PPP1R12B: variants seen among roughly 807,000 people sequenced by gnomAD.
PPP1R12B encodes protein phosphatase 1 regulatory subunit 12B.
In PPP1R12B, 76 loss-of-function variants were observed where a neutral mutation model predicts 126.1. The observed-to-expected ratio is 0.60, with a 90% CI of 0.50 to 0.73. PPP1R12B has a LOEUF of 0.73. Among genes scored for constraint, PPP1R12B ranks in the 30% least tolerant of loss-of-function variants. The pLI is 0.00. For synonymous variants in PPP1R12B, 356 were observed against 434.7 expected, an observed-to-expected ratio of 0.82 and a Z score of 2.25; for missense variants, 1,052 against 1,205.1, an observed-to-expected ratio of 0.87 and a Z score of 1.88.
At chr1:202,432,167 C>T (rs575643019) in intron 8 of PPP1R12B, among the ~76,000 whole-genome samples, 71 of 152,100 alleles carry the variant, frequency 4.7e-4, no homozygotes, top group African/African-American at 1.6e-3. Flanking sequence ...AAACAGAATC[C>T]TAAAATCTTT....
chr1:202,560,254 C>T (rs776187645), intron 19 of PPP1R12B, among the ~76,000 whole-genome samples: 4 of 151,996 alleles, frequency 2.6e-5, no homozygotes, highest in African/African-American at 7.3e-5. Context: ...ATACCATTAC[C>T]GGAAAGGGGT....
rs189975800 is a variant in PPP1R12B, at chr1:202,572,708, C to G, written c.2862+3511C>G. ...ATCAGCCTCCTTGTCAGACCTTCTC[C>G]CCTTCCTTTCCTAGGTCCTTGCATG... On this transcript the variant is annotated intron_variant, in intron 23 of 23. Coordinates refer to ENST00000608999, the MANE Select transcript of PPP1R12B (RefSeq NM_002481.4). 2.6e-4 allele frequency among the ~76,000 whole-genome samples: 39 copies of G among 152,310 alleles called. No homozygotes were observed. In the Middle Eastern group the frequency reaches 0.01, roughly 40 times the overall value.
At chr1:202,455,431 G>T (rs1415589036) in intron 13 of PPP1R12B, among the ~76,000 whole-genome samples, 1 of 151,980 alleles carries the variant, frequency 6.6e-6, no homozygotes, top group African/African-American at 2.4e-5. Flanking sequence ...CTATAGATTT[G>T]CTTATTTTGG....
chr1:202,378,553 T>C (rs1163591096), intron 1 of PPP1R12B, among the ~76,000 whole-genome samples: 2 of 152,056 alleles, frequency 1.3e-5, no homozygotes, highest in African/African-American at 4.8e-5. Flanking sequence ...GTTCTCAGCT[T>C]ACTGCAACCT....
intron 23 of PPP1R12B, among the ~76,000 whole-genome samples, chr1:202,571,696 T>C (rs1253352133): frequency 1.3e-5 from 2 of 152,194 alleles, no homozygotes. Context: ...GCTCAGGGGA[T>C]CCACCCACCT....
Position 202,440,751 on chromosome 1 carries a change from C to T in PPP1R12B, c.1504C>T (p.Leu502Phe), listed in dbSNP as rs759848696. The change falls in exon 11 of 24, where the codon CTC becomes TTC. Residue 502 changes from leucine (L) to phenylalanine (F), a missense_variant. Transcript: ENST00000608999. ...SYISSLAPRK[L>F]NSTSDIEEKE... The stretch of plus-strand genomic sequence containing the variant: ...TATTAGTTCACTAGCACCCCGGAAG[C>T]TCAACAGCACAAGTGATATTGAAGA... 1.6e-5 allele frequency: 26 copies of T among 1,613,902 alleles called. No individual in the cohort carries two copies. In the East Asian group the frequency reaches 5.8e-4, roughly 36 times the overall value.
At chr1:202,562,580 C>T (rs747243449) in intron 19 of PPP1R12B, 198 bp from the exon 20 acceptor site, 4 of 751,888 alleles carry the variant, frequency 5.3e-6, no homozygotes, top group South Asian at 1.4e-5. Flanking sequence ...GGTCAGCCTC[C>T]CTCTCCAAGC....
At chr1:202,548,776 GTCTCTCTC>G (rs1196499777) in intron 18 of PPP1R12B, among the ~76,000 whole-genome samples, 5 of 98,930 alleles carry the variant, frequency 5.1e-5, no homozygotes, top group East Asian at 3.1e-4. Flanking sequence ...CTCGCTCGCT[GTCTCTCTC>G]TCTCTCTCTC....
intron 1 of PPP1R12B, among the ~76,000 whole-genome samples, chr1:202,360,718 A>G (rs1438134895): frequency 6.6e-6 from 1 of 152,072 alleles, no homozygotes; most frequent in Non-Finnish European, 1.5e-5. Context: ...TCAAAAAAAA[A>G]AAAAAGTAAA....
intron 1 of PPP1R12B, among the ~76,000 whole-genome samples, chr1:202,405,574 T>C (rs1666491095): frequency 6.6e-6 from 1 of 152,218 alleles, no homozygotes; most frequent in Non-Finnish European, 1.5e-5. Flanking sequence ...TGTTTTTATG[T>C]ACATTAGCTC....
At position 202,434,212 on chromosome 1, in the gene PPP1R12B, GA is replaced by G. The variant is rs752660106; in HGVS notation, c.1142-443del. Reference sequence around the variant, plus strand: ...TTAGAATGGGAAATTGACACTGTAGGAGGTTAGGTGAATTAGGTTTCATAGC... The same window carrying G: ...TTAGAATGGGAAATTGACACTGTAGGGGTTAGGTGAATTAGGTTTCATAGC... On this transcript the variant is annotated intron_variant, in intron 8 of 23. Coordinates refer to ENST00000608999, the MANE Select transcript of PPP1R12B (RefSeq NM_002481.4). 6.6e-5 allele frequency among the ~76,000 whole-genome samples: 10 copies of G among 152,316 alleles called. No individual in the cohort carries two copies. In the East Asian group the frequency reaches 1.7e-3, roughly 26 times the overall value.
At chr1:202,518,351 A>G (rs577801988) in intron 18 of PPP1R12B, among the ~76,000 whole-genome samples, 2 of 152,352 alleles carry the variant, frequency 1.3e-5, no homozygotes, top group Non-Finnish European at 2.9e-5. Context: ...GTATTCTGGC[A>G]GTGGTTAAGT....
At position 202,508,881 on chromosome 1, in the gene PPP1R12B, G is replaced by A. The variant is rs190354715; in HGVS notation, c.2490+12059G>A. Among the ~76,000 whole-genome samples, 113 of 152,266 alleles carry A rather than the reference G, an allele frequency of 7.4e-4. No homozygotes were observed. The highest frequency in any genetic ancestry group is 2.4e-3 in the African/African-American group (100 of 41,550). On this transcript the variant is annotated intron_variant, in intron 18 of 23. Coordinates refer to ENST00000608999, the MANE Select transcript of PPP1R12B (RefSeq NM_002481.4). This position sits in a 1 kb window ranked among gnomAD's most constrained non-coding sequence, Gnocchi z 4.5. ...CTTTGGCACGTGATGCTCTAGGTCC[G>A]CAAACTTTTTATGAAAAGGGCCTGA...
At chr1:202,489,248 A>T (rs1678556336) in intron 14 of PPP1R12B, among the ~76,000 whole-genome samples, 1 of 152,198 alleles carries the variant, frequency 6.6e-6, no homozygotes, top group Non-Finnish European at 1.5e-5. Context: ...GTGCTTAAAG[A>T]CCTTAAGAAT....
intron 1 of PPP1R12B, among the ~76,000 whole-genome samples, chr1:202,352,280 T>C (rs1275545857): frequency 1.3e-5 from 2 of 152,224 alleles, no homozygotes; most frequent in African/African-American, 4.8e-5. Context: ...TTATTAAGTT[T>C]GACTGTTAGC....
chr1:202,500,619 T>C (rs1233559966), intron 18 of PPP1R12B, among the ~76,000 whole-genome samples: 1 of 152,134 alleles, frequency 6.6e-6, no homozygotes, highest in Non-Finnish European at 1.5e-5. Flanking sequence ...TTAACAGATA[T>C]AAAATTACAG....
intron 1 of PPP1R12B, among the ~76,000 whole-genome samples, chr1:202,358,553 G>A (rs1379024114): frequency 2.6e-5 from 4 of 152,046 alleles, no homozygotes; most frequent in Non-Finnish European, 5.9e-5. Context: ...GTGGTCGCAC[G>A]CGCCTGTTGT....
rs369358280 is a variant in PPP1R12B, at chr1:202,394,833, T to C, written c.292-21954T>C. ...AAAGAGAAGAGAAAAGAAAAGAAAA[T>C]CAATTTGGGCTGGACCTGGTGGTTT... On this transcript the variant is annotated intron_variant, in intron 1 of 23. Coordinates refer to ENST00000608999, the MANE Select transcript of PPP1R12B (RefSeq NM_002481.4). 4.0e-5 allele frequency among the ~76,000 whole-genome samples: 6 copies of C among 150,540 alleles called. No homozygotes were observed. In the East Asian group the frequency reaches 9.8e-4, roughly 25 times the overall value.
chr1:202,382,251 C>T (rs1049358239), intron 1 of PPP1R12B, among the ~76,000 whole-genome samples: 4 of 125,080 alleles, frequency 3.2e-5, no homozygotes, highest in African/African-American at 6.3e-5. Flanking sequence ...GGAAGGGGGA[C>T]ATCACACACT....
Sources: gnomAD v4.1 joint callset for allele counts (sites outside exome capture counted in the v4.1 genomes callset) on GRCh38, gnomAD v4.1.1 for gene constraint, Gnocchi (gnomAD v3.1) non-coding constraint, MANE v1.5 for transcripts, NCBI Gene and HGNC (gene_info 2026-07-23, HGNC 2026-07-21) for gene names.